The following BTBD10 variants were observed in gnomAD, a reference collection of about 807,000 sequenced individuals.
The protein encoded by BTBD10 is BTB domain containing 10, also known as BTB/POZ domain-containing protein 10.
Under a neutral mutation model 53.2 loss-of-function variants are expected in BTBD10, and 21 were observed. The ratio of observed to expected loss-of-function variants is 0.39; its 90% CI spans 0.28 to 0.57. The LOEUF (loss-of-function observed/expected upper bound fraction) is 0.57. Ranked by LOEUF, BTBD10 falls within the 20% of genes least tolerant of loss-of-function variation. The pLI is 0.53. For missense variants in BTBD10, 360 were observed against 594.7 expected (o/e 0.61, Z 4.10); for synonymous variants, 149 against 192.7 (o/e 0.77, Z 1.88).
chr11:13,448,635 C>T (rs932264510), intron 1 of BTBD10, among the ~76,000 whole-genome samples: 1 of 152,138 alleles, frequency 6.6e-6, no homozygotes, highest in Admixed American at 6.6e-5. Flanking sequence ...TTCATTCATA[C>T]GAGTGCTGCC....
intron 2 of BTBD10, among the ~76,000 whole-genome samples, chr11:13,432,523 T>A (rs1183702886): frequency 6.6e-6 from 1 of 152,098 alleles, no homozygotes. Context: ...TTGTGACATC[T>A]TGTAAATCTA....
intron 2 of BTBD10, among the ~76,000 whole-genome samples, chr11:13,440,647 G>C (rs1200181003): frequency 6.6e-6 from 1 of 152,124 alleles, no homozygotes; most frequent in Non-Finnish European, 1.5e-5. Context: ...AGGGAAACTG[G>C]AATGTTCAGA....
chr11:13,447,442 T>C lies in BTBD10; in HGVS notation c.-57-2261A>G, dbSNP rs189503572. 2.0e-3 allele frequency among the ~76,000 whole-genome samples: 307 copies of C among 152,310 alleles called. 2 individuals carry two copies. Among genetic ancestry groups the C allele is most frequent in the African/African-American group, 7.0e-3 (291 of 41,580 alleles). On this transcript the variant is annotated intron_variant, in intron 1 of 8. Coordinates refer to ENST00000278174, the MANE Select transcript of BTBD10 (RefSeq NM_032320.7). ...GAGCATTTTATCTCTTCCTTTTCCT[T>C]AACTATCAGATACTCTTCTGAATAG...
At chr11:13,420,768 A>C (rs1171095898) in intron 3 of BTBD10, among the ~76,000 whole-genome samples, 1 of 152,194 alleles carries the variant, frequency 6.6e-6, no homozygotes, top group African/African-American at 2.4e-5. Context: ...TCCCAAAAGC[A>C]AAATTTGCTA....
intron 2 of BTBD10, among the ~76,000 whole-genome samples, chr11:13,443,965 GAC>G (rs143262454): frequency 5.3e-5 from 8 of 151,334 alleles, no homozygotes; most frequent in African/African-American, 1.9e-4. Flanking sequence ...TTTGGATGCT[GAC>G]ACACACACAC....
rs1462005827 is a variant in BTBD10, at chr11:13,399,278, A to T, written c.1117+3890T>A. On this transcript the variant is annotated intron_variant, in intron 8 of 8. Transcript: ENST00000278174. The stretch of plus-strand genomic sequence containing the variant: ...TTCTTTTTTCTCTAAACTTCTCTTC[A>T]CGCTTCATTTCATTCATTTTGTCTT... Among the ~76,000 whole-genome samples the T allele has an allele frequency of 2.6e-5, 4 of 151,754 alleles. No individual in the cohort carries two copies. The East Asian group carries it at 7.7e-4, about 29-fold the overall frequency.
intron 1 of BTBD10, among the ~76,000 whole-genome samples, chr11:13,445,527 T>C (rs1950735856): frequency 6.6e-6 from 1 of 152,188 alleles, no homozygotes. Flanking sequence ...GAATGATTAT[T>C]TTAGACACAA....
intron 8 of BTBD10, among the ~76,000 whole-genome samples, chr11:13,392,079 C>G (rs1017312075): frequency 6.6e-6 from 1 of 152,182 alleles, no homozygotes; most frequent in Middle Eastern, 3.2e-3. Context: ...ATTGTAATGC[C>G]AGATCACTAC....
chr11:13,422,916 T>C (rs1950270937), intron 2 of BTBD10, among the ~76,000 whole-genome samples: 1 of 152,186 alleles, frequency 6.6e-6, no homozygotes, highest in Non-Finnish European at 1.5e-5. Context: ...TTTCTAAGTG[T>C]AGCAATAATA....
chr11:13,391,721 G>A (rs1322253994), intron 8 of BTBD10, among the ~76,000 whole-genome samples: 1 of 152,148 alleles, frequency 6.6e-6, no homozygotes, highest in Admixed American at 6.5e-5. Flanking sequence ...CAAGGCAGGC[G>A]GATCATGAGG....
chr11:13,391,971 C>T (rs1046315484), intron 8 of BTBD10, among the ~76,000 whole-genome samples: 1 of 151,598 alleles, frequency 6.6e-6, no homozygotes, highest in African/African-American at 2.4e-5. Context: ...AGACAGAAGA[C>T]AGACAGACAG....
At chr11:13,423,489 G>A (rs1444722338) in intron 2 of BTBD10, among the ~76,000 whole-genome samples, 3 of 152,202 alleles carry the variant, frequency 2.0e-5, no homozygotes, top group African/African-American at 7.2e-5. Flanking sequence ...GTTTATGACA[G>A]ATGAGGATGT....
At chr11:13,423,499 T>C (rs1419290958) in intron 2 of BTBD10, among the ~76,000 whole-genome samples, 1 of 152,198 alleles carries the variant, frequency 6.6e-6, no homozygotes, top group Non-Finnish European at 1.5e-5. Flanking sequence ...GATGAGGATG[T>C]TAAAGTTCAA....
intron 7 of BTBD10, among the ~76,000 whole-genome samples, chr11:13,403,500 A>G (rs1454514208): frequency 6.8e-6 from 1 of 147,524 alleles, no homozygotes; most frequent in Non-Finnish European, 1.5e-5. Context: ...TTTGACAACC[A>G]ATCAGAAAAC....
intron 6 of BTBD10, among the ~76,000 whole-genome samples, chr11:13,412,314 G>C (rs910633041): frequency 1.3e-5 from 2 of 152,054 alleles, no homozygotes; most frequent in Non-Finnish European, 2.9e-5. Flanking sequence ...TTAGCCAGGT[G>C]TGGTGATGGG....
intron 2 of BTBD10, among the ~76,000 whole-genome samples, chr11:13,434,676 A>G (rs1389736664): frequency 6.6e-6 from 1 of 152,228 alleles, no homozygotes; most frequent in Non-Finnish European, 1.5e-5. Flanking sequence ...GGATCACTCT[A>G]GCTGCAAAGC....
At chr11:13,421,470 T>A (rs3789326) in intron 3 of BTBD10, among the ~76,000 whole-genome samples, 172 bp downstream of exon 3, 3 of 152,128 alleles carry the variant, frequency 2.0e-5, no homozygotes, top group African/African-American at 7.2e-5. Flanking sequence ...TGCATTTAAT[T>A]AGCTGTTTTT....
chr11:13,421,654 G>C lies in BTBD10; in HGVS notation c.286C>G (p.Gln96Glu). The C allele has an allele frequency of 6.2e-7, 1 of 1,612,728 alleles. No homozygotes were observed. ...CIRNVTSPTR[Q>E]HHVEREKDHS... The stretch of plus-strand genomic sequence containing the variant: ...TGATTTTACATACCAACATGGTGCT[G>C]TCGTGTTGGAGAAGTCACATTTCTA... Residue 96 changes from glutamine (Q) to glutamate (E), a missense_variant, in exon 3 of 9, where the codon CAG becomes GAG. Coordinates refer to ENST00000278174, the MANE Select transcript of BTBD10 (RefSeq NM_032320.7).
intron 6 of BTBD10, 27 bp downstream of exon 6, chr11:13,413,503 C>T (rs371330083): frequency 1.2e-5 from 19 of 1,579,634 alleles, no homozygotes; most frequent in Non-Finnish European, 1.6e-5. Flanking sequence ...TTCTACAAAC[C>T]ACTTACACAC....
Sources: gnomAD v4.1 joint callset for allele counts (sites outside exome capture counted in the v4.1 genomes callset) on GRCh38, gnomAD v4.1.1 for gene constraint, MANE v1.5 for transcripts, NCBI Gene and HGNC (gene_info 2026-07-23, HGNC 2026-07-21) for gene names.